ZNF496: variants seen among roughly 807,000 people sequenced by gnomAD.
ZNF496 encodes the protein NSD1 (nuclear receptor binding SET-domain containing 1)-interacting zinc finger protein 1.
In ZNF496, 11 loss-of-function variants were observed where a neutral mutation model predicts 58.9. The observed-to-expected ratio is 0.19, with a 90% CI of 0.12 to 0.31. ZNF496 has a LOEUF of 0.31. Among genes scored for constraint, ZNF496 ranks in the 10% least tolerant of loss-of-function variants. The probability of loss-of-function intolerance (pLI) is 1.00; values close to 1 mark genes in which losing one functional copy is unlikely to be tolerated. For synonymous variants in ZNF496, 338 were observed against 318.2 expected (o/e 1.06, Z -0.66); for missense variants, 660 against 783.0 (o/e 0.84, Z 1.88).
At position 247,309,925 on chromosome 1, in the gene ZNF496, G is replaced by A. The variant is rs879335377; in HGVS notation, c.785-119C>T. ...CAGCGGGCATGGCACCATCAGGGGCGAGAAGTGAAAAGGCCAGAGCTGGCA... is the reference window on the plus strand; with the variant it reads ...CAGCGGGCATGGCACCATCAGGGGCAAGAAGTGAAAAGGCCAGAGCTGGCA... On this transcript the variant is annotated intron_variant, in intron 7 of 9. Transcript: ENST00000682384. The surrounding 1 kb of genome is among the most constrained non-coding windows in gnomAD (Gnocchi z 4.3). The A allele has an allele frequency of 4.4e-6, 6 of 1,371,878 alleles. No individual in the cohort carries two copies. The highest frequency in any genetic ancestry group is 2.5e-5 in the East Asian group (1 of 40,464). 85.0% of individuals were successfully genotyped at this position (1,371,878 alleles called of 1,614,324 possible). A position where few individuals can be genotyped will look rare whatever the true frequency, so the allele number is the denominator to read the frequency against.
At position 247,328,815 on chromosome 1, in the gene ZNF496, C is replaced by G; in HGVS notation, c.442G>C (p.Asp148His). 1 of 1,612,730 alleles carries G rather than the reference C, an allele frequency of 6.2e-7. No homozygotes were observed. The highest frequency in any genetic ancestry group is 8.5e-7 in the Non-Finnish European group (1 of 1,179,384). ...VVIDDGDSPL[D>H]QEQEQLPVEP... ...ACCGGCAGCTGCTCCTGCTCCTGGT[C>G]CAGAGGGCTGTCCCCATCATCAATC... is the stretch of plus-strand genomic sequence containing the variant. Residue 148 changes from aspartate to histidine, a missense_variant, in exon 5 of 10, where the codon GAC (aspartate) becomes CAC (histidine). Asp to His is a moderately conservative substitution (Grantham distance 81). Transcript: ENST00000682384.
Position 247,309,276 on chromosome 1 carries a change from CT to C in ZNF496, c.892+422del. On this transcript the variant is annotated intron_variant, in intron 8 of 9. Coordinates refer to ENST00000682384, the MANE Select transcript of ZNF496 (RefSeq NM_032752.3). This position sits in a 1 kb window ranked among gnomAD's most constrained non-coding sequence, Gnocchi z 4.3. ...ACACCCCAGTGTCCTCACAGCACCC[CT>C]GTACCAGGCAGATGGGAAGACTAGA... 1.6e-6 allele frequency: 1 copy of C among 610,734 alleles called. No individual in the cohort carries two copies. Among genetic ancestry groups the C allele is most frequent in the Non-Finnish European group, 2.1e-6 (1 of 476,358 alleles). The allele number at this position is 610,734 out of a possible 1,614,324, so 37.8% of individuals were successfully genotyped here. A position where few individuals can be genotyped will look rare whatever the true frequency, so the allele number is the denominator to read the frequency against.
At chr1:247,302,581 T>C (rs1319269211) in intron 9 of ZNF496, among the ~76,000 whole-genome samples, 3 of 152,106 alleles carry the variant, frequency 2.0e-5, no homozygotes, top group African/African-American at 4.8e-5. Context: ...TCTCAGGTGA[T>C]CCACCTGCCT....
chr1:247,323,295 T>C, intron 5 of ZNF496, 65 bp from the exon 6 acceptor site: 1 of 1,208,618 alleles, frequency 8.3e-7, no homozygotes, highest in Non-Finnish European at 1.2e-6. Flanking sequence ...TGATACCTTC[T>C]GAGCTTCCTG....
At chr1:247,331,146 C>T (rs1295696745) in intron 2 of ZNF496, among the ~76,000 whole-genome samples, 4 of 152,228 alleles carry the variant, frequency 2.6e-5, no homozygotes, top group African/African-American at 9.6e-5. Context: ...GGCTGCCACT[C>T]GGATCGTCTC....
chr1:247,329,346 T>C lies in ZNF496; in HGVS notation c.233A>G (p.Lys78Arg). Residue 78 changes from lysine to arginine, a missense_variant, in exon 4 of 10, where the codon AAG becomes AGG. Coordinates refer to ENST00000682384, the MANE Select transcript of ZNF496 (RefSeq NM_032752.3). The surrounding 1 kb of genome is among the most constrained non-coding windows in gnomAD (Gnocchi z 5.5). The stretch of plus-strand genomic sequence containing the variant: ...CACCAGCAGCTCCAGAATCTGCTCC[T>C]TGGTGTGCCTCTCAGGCCGCAGCCA... Reference protein sequence around the residue: ...GGWLRPERHTKEQILELLVLE... With the variant: ...GGWLRPERHTREQILELLVLE... The C allele has an allele frequency of 6.2e-7, 1 of 1,613,590 alleles. No individual in the cohort carries two copies. Among genetic ancestry groups the C allele is most frequent in the Non-Finnish European group, 8.5e-7 (1 of 1,179,952 alleles).
chr1:247,302,998 GCAGA>G (rs1659296850), intron 9 of ZNF496, among the ~76,000 whole-genome samples: 1 of 152,200 alleles, frequency 6.6e-6, no homozygotes, highest in Admixed American at 6.5e-5. Context: ...AATTATGAGA[GCAGA>G]CAGTGCATGT....
At chr1:247,322,814 TAA>T in intron 6 of ZNF496, 2 of 1,307,270 alleles carry the variant, frequency 1.5e-6, no homozygotes, top group Non-Finnish European at 2.0e-6. Flanking sequence ...CTCTGTAAAA[TAA>T]AAGAGCAGAG....
At chr1:247,331,116 CG>C (rs1186223516) in intron 2 of ZNF496, among the ~76,000 whole-genome samples, 2 of 152,144 alleles carry the variant, frequency 1.3e-5, no homozygotes, top group Non-Finnish European at 2.9e-5. Flanking sequence ...CCCGCCCCCC[CG>C]AGCACCGGCG....
At chr1:247,313,934 C>G (rs564571368) in intron 6 of ZNF496, 1 of 152,260 alleles carries the variant, frequency 6.6e-6, no homozygotes, top group Admixed American at 6.5e-5. Flanking sequence ...CTAGGAGTTC[C>G]GAAGGTTAGC....
At chr1:247,331,297 G>A (rs1261746526) in intron 2 of ZNF496, 135 bp downstream of exon 2, 1 of 152,566 alleles carries the variant, frequency 6.6e-6, no homozygotes, top group Admixed American at 6.5e-5. Context: ...GCCTTTCGCG[G>A]AGGAGGGACC....
Position 247,309,827 on chromosome 1 carries a change from G to T in ZNF496, c.785-21C>A. On this transcript the variant is annotated intron_variant, in intron 7 of 9. Coordinates refer to ENST00000682384, the MANE Select transcript of ZNF496 (RefSeq NM_032752.3). This position sits in a 1 kb window ranked among gnomAD's most constrained non-coding sequence, Gnocchi z 4.3. ...GTCGTCTGTTCAAAGAAAAAGGCAG[G>T]GTACATGTTTATTAGTAATCTGATC... is the stretch of plus-strand genomic sequence containing the variant. The T allele has an allele frequency of 6.2e-7, 1 of 1,613,148 alleles. No individual in the cohort carries two copies. Among genetic ancestry groups the T allele is most frequent in the South Asian group, 1.1e-5 (1 of 90,990 alleles).
Position 247,308,712 on chromosome 1 carries a change from T to C in ZNF496, c.893-124A>G. The C allele has an allele frequency of 1.2e-6, 1 of 815,992 alleles. No individual in the cohort carries two copies. The highest frequency in any genetic ancestry group is 2.4e-5 in the Admixed American group (1 of 41,176). The allele number at this position is 815,992 out of a possible 1,614,324, so 50.5% of individuals were successfully genotyped here. A position where few individuals can be genotyped will look rare whatever the true frequency, so the allele number is the denominator to read the frequency against. ...CGGCCCTGGGCTCCGTCCTGGGGAC[T>C]GGCAGGGGGTGGCCACTCAATAAGT... On this transcript the variant is annotated intron_variant, in intron 8 of 9. Coordinates refer to ENST00000682384, the MANE Select transcript of ZNF496 (RefSeq NM_032752.3). This position sits in a 1 kb window ranked among gnomAD's most constrained non-coding sequence, Gnocchi z 4.5.
chr1:247,329,693 T>C lies in ZNF496; in HGVS notation c.-37-78A>G, dbSNP rs1660255385. 1.5e-6 allele frequency: 2 copies of C among 1,356,386 alleles called. No homozygotes were observed. The highest frequency in any genetic ancestry group is 2.0e-6 in the Non-Finnish European group (2 of 1,004,932). 84.0% of individuals were successfully genotyped at this position (1,356,386 alleles called of 1,614,324 possible). A position where few individuals can be genotyped will look rare whatever the true frequency, so the allele number is the denominator to read the frequency against. On this transcript the variant is annotated intron_variant, in intron 3 of 9. Transcript: ENST00000682384. The surrounding 1 kb of genome is among the most constrained non-coding windows in gnomAD (Gnocchi z 5.5). ...TTCTGGGGGACAGTGACAAGGAAAC[T>C]GTCAATGCCCTCAGAGACCAGCCCT...
At chr1:247,317,660 G>A (rs866142415) in intron 6 of ZNF496, among the ~76,000 whole-genome samples, 3 of 152,054 alleles carry the variant, frequency 2.0e-5, no homozygotes, top group East Asian at 1.9e-4. Context: ...TTTGATGCCC[G>A]CGGAGATCCA....
Position 247,310,377 on chromosome 1 carries a change from C to T in ZNF496, c.731G>A (p.Gly244Asp). The change falls in exon 7 of 10, where the codon GGC (glycine) becomes GAC (aspartate). Residue 244 changes from glycine to aspartate, a missense_variant. Gly to Asp is a moderately conservative substitution (Grantham distance 94). Transcript: ENST00000682384. The stretch of plus-strand genomic sequence containing the variant: ...CCCAATGATGAACTCTCCATAGAAG[C>T]CAGTCTGGGCAGGATCTAGAAGGGA... Reference protein sequence around the residue: ...DWSLLDPAQTGFYGEFIIGED... With the variant: ...DWSLLDPAQTDFYGEFIIGED... The T allele has an allele frequency of 6.2e-7, 1 of 1,614,150 alleles. No homozygotes were observed. The highest frequency in any genetic ancestry group is 8.5e-7 in the Non-Finnish European group (1 of 1,180,030).
At position 247,328,674 on chromosome 1, in the gene ZNF496, G is replaced by A; in HGVS notation, c.574+9C>T. 6.4e-7 allele frequency: 1 copy of A among 1,570,624 alleles called. No individual in the cohort carries two copies. Among genetic ancestry groups the A allele is most frequent in the Non-Finnish European group, 8.6e-7 (1 of 1,158,422 alleles). On this transcript the variant is annotated intron_variant, in intron 5 of 9. Transcript: ENST00000682384. ...GATCACCCCTGCTACACTCCCCTGG[G>A]CTGCATACCTGGGTCCCCGCTGAGC...
chr1:247,323,000 C>T (rs903978218), intron 6 of ZNF496, among the ~76,000 whole-genome samples, 154 bp downstream of exon 6: 1 of 152,196 alleles, frequency 6.6e-6, no homozygotes, highest in Non-Finnish European at 1.5e-5. Context: ...TGGGGCGTCT[C>T]TTAAGCTCAC....
At position 247,300,438 on chromosome 1, in the gene ZNF496, A is replaced by T; in HGVS notation, c.*81T>A. The T allele has an allele frequency of 6.9e-7, 1 of 1,440,964 alleles. No homozygotes were observed. Among genetic ancestry groups the T allele is most frequent in the Non-Finnish European group, 9.3e-7 (1 of 1,075,968 alleles). 89.3% of individuals were successfully genotyped at this position (1,440,964 alleles called of 1,614,324 possible). On this transcript the variant is annotated 3_prime_UTR_variant, in exon 10 of 10. Coordinates refer to ENST00000682384, the MANE Select transcript of ZNF496 (RefSeq NM_032752.3). The surrounding 1 kb of genome is among the most constrained non-coding windows in gnomAD (Gnocchi z 5.7). ...GTGTGCTCTCTATCCTGGGGAAGGT[A>T]TGTCCTGGGTGGGGGCGCTGATCAG...
Sources: gnomAD v4.1 joint callset for allele counts (sites outside exome capture counted in the v4.1 genomes callset) on GRCh38, gnomAD v4.1.1 for gene constraint, Gnocchi (gnomAD v3.1) non-coding constraint, MANE v1.5 for transcripts, NCBI Gene and HGNC (gene_info 2026-07-23, HGNC 2026-07-21) for gene names.